The following SKIC8 variants were observed in gnomAD, a reference collection of about 807,000 sequenced individuals.
The protein encoded by SKIC8 is superkiller complex protein 8.
chr15:78,292,484 T>C, the SKIC8 span: 9 of 970,744 alleles, frequency 9.3e-6, no homozygotes, highest in Admixed American at 1.1e-4. Flanking sequence ...TTATGTGAAA[T>C]ACAGTTCATG....
chr15:78,292,373 A>C, the SKIC8 span: 1 of 444,148 alleles, frequency 2.3e-6, no homozygotes. Flanking sequence ...ACATAAGGCT[A>C]TTTATAGCCT....
At chr15:78,283,729 CCAA>C in the SKIC8 span, 1 of 374,804 alleles carries the variant, frequency 2.7e-6, no homozygotes. Flanking sequence ...TTCCCATACT[CCAA>C]AAAAAAAAAA....
the SKIC8 span, chr15:78,295,145 G>C: frequency 1.4e-6 from 1 of 703,578 alleles, no homozygotes; most frequent in Non-Finnish European, 2.4e-6. Flanking sequence ...TGCAAGATTT[G>C]TACAGTCATA....
chr15:78,295,418 T>C, the SKIC8 span: 1 of 426,566 alleles, frequency 2.3e-6, no homozygotes, highest in Non-Finnish European at 4.1e-6. Context: ...TTTTTTTTTT[T>C]GTACAACATC....
chr15:78,297,635 T>A, the SKIC8 span, among the ~76,000 whole-genome samples: 1 of 152,216 alleles, frequency 6.6e-6, no homozygotes, highest in African/African-American at 2.4e-5. Context: ...ACACTGCTAA[T>A]AATGTGATTT....
chr15:78,293,079 G>A, the SKIC8 span: 2 of 1,204,406 alleles, frequency 1.7e-6, no homozygotes, highest in South Asian at 1.4e-5. Context: ...CTAGAAAAAA[G>A]TATTTCCCGG....
At chr15:78,299,497 C>T in the SKIC8 span, 1 of 152,956 alleles carries the variant, frequency 6.5e-6, no homozygotes, top group African/African-American at 2.4e-5. Context: ...CTCACTCGCC[C>T]TCTGGCCTGG....
the SKIC8 span, chr15:78,294,786 TG>T: frequency 2.2e-5 from 14 of 633,872 alleles, no homozygotes; most frequent in South Asian, 2.4e-5. Context: ...TTGTTGTTGT[TG>T]TTGTCTGTTT....
chr15:78,284,251 A>G, the SKIC8 span: 2 of 152,140 alleles, frequency 1.3e-5, no homozygotes, highest in African/African-American at 4.8e-5. Flanking sequence ...ACAGCACCGC[A>G]ATGATCCATA....
the SKIC8 span, chr15:78,293,110 A>G: frequency 6.6e-7 from 1 of 1,505,004 alleles, no homozygotes; most frequent in East Asian, 2.3e-5. Flanking sequence ...GAGAGTTCAG[A>G]AGCAAAACCT....
the SKIC8 span, among the ~76,000 whole-genome samples, chr15:78,298,162 C>T: frequency 3.5e-4 from 53 of 152,302 alleles, 2 homozygotes; most frequent in East Asian, 8.9e-3. Context: ...TCAGCACAGC[C>T]TTCTGCCTGC....
chr15:78,298,095 A>G, the SKIC8 span, among the ~76,000 whole-genome samples: 54 of 152,198 alleles, frequency 3.5e-4, no homozygotes, highest in Middle Eastern at 3.4e-3. Context: ...CAGGGTAGGA[A>G]AGACAGGAAA....
the SKIC8 span, among the ~76,000 whole-genome samples, chr15:78,296,504 C>A: frequency 6.6e-6 from 1 of 151,790 alleles, no homozygotes; most frequent in Non-Finnish European, 1.5e-5. Context: ...TGCCAAAGAC[C>A]CCCTTTGGCG....
At chr15:78,289,498 T>C in the SKIC8 span, 73,945 of 744,976 alleles carry the variant, frequency 0.099, 3,874 homozygotes, top group East Asian at 0.13. Flanking sequence ...AGTTTTCCAA[T>C]TGAGATTGAT....
At chr15:78,289,710 A>T in the SKIC8 span, 1 of 1,613,714 alleles carries the variant, frequency 6.2e-7, no homozygotes, top group Non-Finnish European at 8.5e-7. Flanking sequence ...TCCCATCAGG[A>T]CTCTGTTCAG....
chr15:78,290,031 C>T, the SKIC8 span: 1 of 1,614,182 alleles, frequency 6.2e-7, no homozygotes, highest in Non-Finnish European at 8.5e-7. Flanking sequence ...AAAATGTTCA[C>T]TTTCCCGACA....
chr15:78,283,583 G>T, the SKIC8 span: 1 of 1,270,340 alleles, frequency 7.9e-7, no homozygotes, highest in Non-Finnish European at 1.1e-6. Context: ...TTTATGAAAT[G>T]AACATCCTTA....
chr15:78,299,508 A>C, the SKIC8 span: 1 of 152,898 alleles, frequency 6.5e-6, no homozygotes, highest in South Asian at 2.1e-4. Context: ...TCTGGCCTGG[A>C]CTGTCAACGG....
chr15:78,285,408 A>G, the SKIC8 span: 2 of 1,401,536 alleles, frequency 1.4e-6, no homozygotes, highest in South Asian at 1.2e-5. Flanking sequence ...TCCTTTGATG[A>G]CTTACATTCT....
Sources: allele counts gnomAD v4.1 joint callset (sites outside exome capture counted in the v4.1 genomes callset), GRCh38; gene constraint gnomAD v4.1.1; transcripts MANE v1.5; gene names NCBI Gene and HGNC (gene_info 2026-07-23, HGNC 2026-07-21).